The following BANK1 variants were observed in gnomAD, a reference collection of about 807,000 sequenced individuals.
BANK1 encodes B-cell scaffold protein with ankyrin repeats.
Under a neutral mutation model 94.5 loss-of-function variants are expected in BANK1, and 95 were observed. The ratio of observed to expected loss-of-function variants is 1.00; its 90% CI spans 0.85 to 1.19. The LOEUF is 1.19. Among genes scored for constraint, BANK1 ranks in the 50% most tolerant of loss-of-function variants. BANK1 has a pLI of 0.00. For missense variants in BANK1, 987 were observed against 932.2 expected, an observed-to-expected ratio of 1.06 and a Z score of -0.77; for synonymous variants, 334 against 308.4, an observed-to-expected ratio of 1.08 and a Z score of -0.87.
chr4:101,804,407 A>T (rs1021016425), intron 1 of BANK1, among the ~76,000 whole-genome samples: 1 of 152,202 alleles, frequency 6.6e-6, no homozygotes. Context: ...TACATATTAC[A>T]GTACAAAGAG....
intron 4 of BANK1, among the ~76,000 whole-genome samples, chr4:101,866,389 G>C (rs1728067231): frequency 6.6e-6 from 1 of 151,822 alleles, no homozygotes. Context: ...GATTTCAGAA[G>C]GTCTAACATA....
intron 7 of BANK1, among the ~76,000 whole-genome samples, chr4:102,005,146 T>G (rs1052729139): frequency 3.3e-5 from 5 of 152,086 alleles, no homozygotes; most frequent in Admixed American, 3.3e-4. Flanking sequence ...TTCAATGGTC[T>G]CTGGGGAAAA....
chr4:101,838,095 G>T (rs1318459659), intron 2 of BANK1, among the ~76,000 whole-genome samples: 23 of 152,074 alleles, frequency 1.5e-4, no homozygotes, highest in Admixed American at 1.4e-3. Flanking sequence ...GAGTAGCTGG[G>T]ATTACAGGTG....
At chr4:101,904,487 A>G (rs746543545) in intron 6 of BANK1, among the ~76,000 whole-genome samples, 1 of 152,234 alleles carries the variant, frequency 6.6e-6, no homozygotes, top group African/African-American at 2.4e-5. Context: ...TTTTAAAGGT[A>G]TAGGTTCTGG....
chr4:102,060,450 A>G (rs773382980), intron 12 of BANK1, 61 bp downstream of exon 12: 66 of 1,531,932 alleles, frequency 4.3e-5, no homozygotes, highest in Non-Finnish European at 5.2e-5. Context: ...TAGTTTGTTA[A>G]TGTTTAATTT....
chr4:101,986,812 T>A (rs1346576547), intron 7 of BANK1, among the ~76,000 whole-genome samples: 8 of 140,818 alleles, frequency 5.7e-5, no homozygotes, highest in African/African-American at 2.1e-4. Flanking sequence ...TATATATATG[T>A]ATATATATGT....
intron 11 of BANK1, among the ~76,000 whole-genome samples, chr4:102,046,143 T>G (rs1727871014): frequency 6.6e-6 from 1 of 151,374 alleles, no homozygotes; most frequent in Non-Finnish European, 1.5e-5. Flanking sequence ...ACGCCGCATA[T>G]CTACAACTAT....
chr4:102,021,514 A>G lies in BANK1; in HGVS notation c.1207A>G (p.Ile403Val). ...ELKKIFEDFSIQEIDINNEQE... is the reference protein window; with the variant it reads ...ELKKIFEDFSVQEIDINNEQE... The stretch of plus-strand genomic sequence containing the variant: ...TTATTAAAAATTACATTTTTTTCAG[A>G]TCCAAGAAATTGACATAAATAATGA... The change falls in exon 8 of 17, where the codon ATC (isoleucine) becomes GTC (valine). Residue 403 changes from isoleucine to valine, a missense_variant and splice_region_variant. Coordinates refer to ENST00000322953, the MANE Select transcript of BANK1 (RefSeq NM_017935.5). 7.1e-7 allele frequency: 1 copy of G among 1,404,416 alleles called. No homozygotes were observed. 87.0% of individuals were successfully genotyped at this position (1,404,416 alleles called of 1,614,324 possible).
intron 6 of BANK1, 95 bp downstream of exon 6, chr4:101,895,505 G>A: frequency 1.4e-6 from 1 of 709,806 alleles, no homozygotes; most frequent in Admixed American, 2.8e-5. Context: ...ATAGGTAGCT[G>A]CACTGCTGAT....
chr4:101,911,822 A>G (rs1230891980), intron 6 of BANK1, among the ~76,000 whole-genome samples: 1 of 152,182 alleles, frequency 6.6e-6, no homozygotes, highest in Non-Finnish European at 1.5e-5. Context: ...GCTGCACTGA[A>G]CTGTCTGTGC....
intron 6 of BANK1, among the ~76,000 whole-genome samples, chr4:101,917,360 A>T (rs1010053986): frequency 6.6e-6 from 1 of 152,138 alleles, no homozygotes; most frequent in African/African-American, 2.4e-5. Flanking sequence ...GTGATATAAA[A>T]TTAATAAATA....
chr4:101,803,992 C>T (rs1276063057), intron 1 of BANK1, among the ~76,000 whole-genome samples: 10 of 65,166 alleles, frequency 1.5e-4, no homozygotes, highest in East Asian at 4.5e-4. Flanking sequence ...AGCGAGACTC[C>T]GTCTCAAAAA....
chr4:102,052,442 T>C (rs936110193), intron 11 of BANK1, among the ~76,000 whole-genome samples: 3 of 152,060 alleles, frequency 2.0e-5, no homozygotes, highest in African/African-American at 7.3e-5. Flanking sequence ...AAACAAGTAA[T>C]ATGAAAAGTT....
intron 5 of BANK1, among the ~76,000 whole-genome samples, chr4:101,889,071 T>G (rs1457393181): frequency 6.6e-6 from 1 of 152,176 alleles, no homozygotes; most frequent in African/African-American, 2.4e-5. Context: ...TTAATTAAAC[T>G]TATTTTTTAG....
At chr4:101,921,739 C>T (rs1344485004) in intron 7 of BANK1, among the ~76,000 whole-genome samples, 1 of 151,862 alleles carries the variant, frequency 6.6e-6, no homozygotes, top group Non-Finnish European at 1.5e-5. Context: ...CTTTTTCCTT[C>T]CACCACTGTG....
intron 7 of BANK1, among the ~76,000 whole-genome samples, chr4:102,004,394 AG>A (rs1277294401): frequency 9.8e-5 from 15 of 152,342 alleles, no homozygotes; most frequent in African/African-American, 3.6e-4. Context: ...CACATGACAA[AG>A]AAAGAATGTC....
chr4:101,810,345 A>G (rs1725698028), intron 1 of BANK1, among the ~76,000 whole-genome samples: 1 of 152,346 alleles, frequency 6.6e-6, no homozygotes, highest in African/African-American at 2.4e-5. Context: ...TTACAGGAGC[A>G]TTAGGAAACA....
chr4:102,026,573 A>T (rs545710639), intron 9 of BANK1, among the ~76,000 whole-genome samples: 1 of 152,286 alleles, frequency 6.6e-6, no homozygotes, highest in East Asian at 1.9e-4. Context: ...TCATGCCTGT[A>T]ATCCCAGCAC....
chr4:101,847,977 T>A lies in BANK1; in HGVS notation c.470-7058T>A, dbSNP rs190430335. ...CTCCTCTGGCCATCTTCCTGATGGA[T>A]CCCTTTGGCGCCAGCGAGGAATGGC... On this transcript the variant is annotated intron_variant, in intron 2 of 16. Coordinates refer to ENST00000322953, the MANE Select transcript of BANK1 (RefSeq NM_017935.5). Among the ~76,000 whole-genome samples, 222 of 152,276 alleles carry A rather than the reference T, an allele frequency of 1.5e-3. 1 individual carries two copies. The highest frequency in any genetic ancestry group is 5.1e-3 in the African/African-American group (211 of 41,566).
Sources: gnomAD v4.1 joint callset for allele counts (sites outside exome capture counted in the v4.1 genomes callset) on GRCh38, gnomAD v4.1.1 for gene constraint, MANE v1.5 for transcripts, NCBI Gene and HGNC (gene_info 2026-07-23, HGNC 2026-07-21) for gene names.